Variants in SLCO1B3 observed in about 807,000 individuals in gnomAD.
The protein encoded by SLCO1B3 is liver-specific organic anion transporter 2.
A neutral mutation model predicts 71.8 loss-of-function variants in SLCO1B3; 72 were observed. That is an observed-to-expected ratio of 1.00 (90% confidence interval 0.83 to 1.22). The LOEUF is 1.22. Among genes scored for constraint, SLCO1B3 ranks in the 50% most tolerant of loss-of-function variants. SLCO1B3 has a pLI of 0.00. For synonymous variants in SLCO1B3, 298 were observed against 278.4 expected, an observed-to-expected ratio of 1.07 and a Z score of -0.70; for missense variants, 911 against 819.7, an observed-to-expected ratio of 1.11 and a Z score of -1.36.
chr12:20,836,721 A>G (rs1864689019), intron 3 of SLCO1B3, among the ~76,000 whole-genome samples: 1 of 152,076 alleles, frequency 6.6e-6, no homozygotes, highest in Non-Finnish European at 1.5e-5. Flanking sequence ...AGCTCACTGC[A>G]ACCTCTGCCT....
intron 13 of SLCO1B3, among the ~76,000 whole-genome samples, chr12:20,890,533 A>C (rs1331832763): frequency 6.6e-6 from 1 of 152,196 alleles, no homozygotes; most frequent in African/African-American, 2.4e-5. Context: ...TGTTCGTCAG[A>C]TCCATTGGGT....
intron 3 of SLCO1B3, among the ~76,000 whole-genome samples, chr12:20,832,528 T>G (rs1453674862): frequency 6.6e-6 from 1 of 151,952 alleles, no homozygotes; most frequent in Non-Finnish European, 1.5e-5. Context: ...AGAAAAAGTC[T>G]CCCCTTTCTG....
chr12:20,906,969 T>C (rs1013284174), intron 15 of SLCO1B3, among the ~76,000 whole-genome samples: 2 of 151,780 alleles, frequency 1.3e-5, no homozygotes, highest in African/African-American at 4.9e-5. Flanking sequence ...CAAGAAGATA[T>C]CAATTAAATT....
intron 3 of SLCO1B3, among the ~76,000 whole-genome samples, chr12:20,851,794 C>T (rs1865028703): frequency 1.5e-5 from 1 of 65,248 alleles, no homozygotes; most frequent in South Asian, 1.0e-3. Context: ...TAAGGTCTTA[C>T]ATTTAGGCAT....
chr12:20,886,764 CAT>C (rs1865799471), intron 13 of SLCO1B3, among the ~76,000 whole-genome samples: 1 of 151,898 alleles, frequency 6.6e-6, no homozygotes, highest in Non-Finnish European at 1.5e-5. Context: ...AGTTGTGAAA[CAT>C]GGATTATATT....
At chr12:20,830,291 A>G (rs1864512168) in intron 3 of SLCO1B3, among the ~76,000 whole-genome samples, 1 of 152,180 alleles carries the variant, frequency 6.6e-6, no homozygotes, top group Non-Finnish European at 1.5e-5. Context: ...TCAATTTAGA[A>G]GTTTATTTTG....
At chr12:20,816,184 A>G (rs1281129966) in intron 3 of SLCO1B3, among the ~76,000 whole-genome samples, 1 of 152,222 alleles carries the variant, frequency 6.6e-6, no homozygotes, top group African/African-American at 2.4e-5. Flanking sequence ...CATTTCCTCA[A>G]GCATTTTTTC....
chr12:20,838,339 G>T (rs1864727231), intron 3 of SLCO1B3, among the ~76,000 whole-genome samples: 1 of 151,696 alleles, frequency 6.6e-6, no homozygotes, highest in Admixed American at 6.6e-5. Flanking sequence ...TTCTATATGT[G>T]TTTTTATATT....
chr12:20,816,196 T>C (rs1392364402), intron 3 of SLCO1B3, among the ~76,000 whole-genome samples: 3 of 152,232 alleles, frequency 2.0e-5, no homozygotes, highest in South Asian at 2.1e-4. Context: ...CATTTTTTCA[T>C]TGAGTTGCAC....
chr12:20,863,584 A>T (rs1451552062), intron 8 of SLCO1B3, among the ~76,000 whole-genome samples: 1 of 152,054 alleles, frequency 6.6e-6, no homozygotes, highest in Non-Finnish European at 1.5e-5. Flanking sequence ...ATATTAGTAG[A>T]TCCAACTGGG....
rs764288827 is a variant in SLCO1B3 at position 20,880,897 on chromosome 12, T to C, written c.1374T>C (p.Tyr458=). 2 of 1,610,806 alleles carry C rather than the reference T, an allele frequency of 1.2e-6. No homozygotes were observed. Among genetic ancestry groups the C allele is most frequent in the Admixed American group, 3.3e-5 (2 of 59,936 alleles). The change falls in exon 12 of 16, where the codon TAT becomes TAC. Residue 458 remains tyrosine, a synonymous_variant. Transcript: ENST00000381545. ...CTCATGTAGATGTACCACTTTCTTATTGCAACTCAGAGTGCAATTGTGATG... is the reference window on the plus strand; with the variant it reads ...CTCATGTAGATGTACCACTTTCTTACTGCAACTCAGAGTGCAATTGTGATG... ...VASHVDVPLS[Y]CNSECNCDES...
chr12:20,902,560 AGAGT>A (rs1866150332), intron 15 of SLCO1B3, among the ~76,000 whole-genome samples: 1 of 152,224 alleles, frequency 6.6e-6, no homozygotes, highest in South Asian at 2.1e-4. Context: ...TTGTGGGTGC[AGAGT>A]GAGAGGAGGG....
At chr12:20,860,049 G>A (rs1362730018) in intron 5 of SLCO1B3, among the ~76,000 whole-genome samples, 1 of 145,668 alleles carries the variant, frequency 6.9e-6, no homozygotes, top group Non-Finnish European at 1.5e-5. Flanking sequence ...CCCGCCTCCC[G>A]GGTTCACACC....
chr12:20,871,337 T>C (rs1412420517), intron 8 of SLCO1B3, among the ~76,000 whole-genome samples: 1 of 152,210 alleles, frequency 6.6e-6, no homozygotes, highest in Non-Finnish European at 1.5e-5. Flanking sequence ...TTCTCTGAGT[T>C]TCTTCAGAAT....
At chr12:20,872,981 C>CATCT (rs1444794573) in intron 8 of SLCO1B3, among the ~76,000 whole-genome samples, 6 of 152,144 alleles carry the variant, frequency 3.9e-5, no homozygotes, top group Non-Finnish European at 8.8e-5. Context: ...CTAGAGTATG[C>CATCT]AGGGTCTTAT....
chr12:20,877,070 A>G (rs1865595283), intron 9 of SLCO1B3, among the ~76,000 whole-genome samples: 2 of 152,082 alleles, frequency 1.3e-5, no homozygotes, highest in African/African-American at 2.4e-5. Flanking sequence ...AGCTGAGACA[A>G]TCCACCTGCC....
intron 3 of SLCO1B3, among the ~76,000 whole-genome samples, chr12:20,844,296 G>A (rs1486579957): frequency 1.3e-5 from 2 of 152,118 alleles, no homozygotes; most frequent in Admixed American, 6.5e-5. Flanking sequence ...GCCAGGCGCA[G>A]TGGCTCCTCC....
intron 3 of SLCO1B3, among the ~76,000 whole-genome samples, chr12:20,817,128 A>G (rs35069963): frequency 0.1 from 15,393 of 152,184 alleles, 1,051 homozygotes; most frequent in Middle Eastern, 0.17. Context: ...TAGTTTACAA[A>G]TATTTTCTCC....
At chr12:20,823,621 A>G (rs1352955041) in intron 3 of SLCO1B3, among the ~76,000 whole-genome samples, 1 of 152,210 alleles carries the variant, frequency 6.6e-6, no homozygotes, top group Non-Finnish European at 1.5e-5. Flanking sequence ...CATTTGCCAT[A>G]TAGGAGCTCT....
Sources: gnomAD v4.1 joint callset for allele counts (sites outside exome capture counted in the v4.1 genomes callset) on GRCh38, gnomAD v4.1.1 for gene constraint, MANE v1.5 for transcripts, NCBI Gene and HGNC (gene_info 2026-07-23, HGNC 2026-07-21) for gene names.